CCNY: variants seen among roughly 807,000 people sequenced by gnomAD.
CCNY encodes the protein cyclin-Y.
Under a neutral mutation model 42.8 loss-of-function variants are expected in CCNY, and 19 were observed. The observed-to-expected ratio is 0.44, with a 90% CI of 0.31 to 0.65. The LOEUF is 0.65. Ranked by LOEUF, CCNY falls within the 30% of genes least tolerant of loss-of-function variation. The probability of loss-of-function intolerance (pLI) is 0.07; values close to 1 mark genes in which losing one functional copy is unlikely to be tolerated. For synonymous variants in CCNY, 165 were observed against 162.7 expected, an observed-to-expected ratio of 1.01 and a Z score of -0.11; for missense variants, 370 against 437.3, an observed-to-expected ratio of 0.85 and a Z score of 1.37.
intron 8 of CCNY, among the ~76,000 whole-genome samples, chr10:35,563,122 G>A (rs1448467889): frequency 6.6e-6 from 1 of 152,068 alleles, no homozygotes; most frequent in Admixed American, 6.6e-5. Context: ...ATAGCAAGCT[G>A]TCAGTGTCCC....
chr10:35,277,947 A>T (rs1589013400), intron 3 of CCNY, among the ~76,000 whole-genome samples: 1 of 152,252 alleles, frequency 6.6e-6, no homozygotes, highest in East Asian at 1.9e-4. Flanking sequence ...TATCCTGAGG[A>T]CAGTGGGGAG....
chr10:35,398,658 G>A (rs924794383), intron 1 of CCNY, among the ~76,000 whole-genome samples: 94 of 152,262 alleles, frequency 6.2e-4, no homozygotes, highest in African/African-American at 2.1e-3. Context: ...ACTGCTCTTG[G>A]TGGGGCTCTC....
rs2135336305 is a variant in CCNY at position 35,465,567 on chromosome 10, G to A, written c.155-17837G>A. Among the ~76,000 whole-genome samples the A allele has an allele frequency of 1.3e-5, 2 of 152,220 alleles. 1 individual carries two copies. The highest frequency in any genetic ancestry group is 1.3e-4 in the Admixed American group (2 of 15,288). On this transcript the variant is annotated intron_variant, in intron 1 of 9. Transcript: ENST00000374704. Reference sequence around the variant, plus strand: ...GTACAACTTCTTGTTCTGGCACCCAGGGCTTTCCAAGGTGGCCTGAATCCA... The same window carrying A: ...GTACAACTTCTTGTTCTGGCACCCAAGGCTTTCCAAGGTGGCCTGAATCCA...
chr10:35,405,483 G>C (rs545978820), intron 1 of CCNY, among the ~76,000 whole-genome samples: 3 of 152,072 alleles, frequency 2.0e-5, no homozygotes, highest in Non-Finnish European at 4.4e-5. Context: ...TAAAAGTCTC[G>C]ACCTAATAAG....
At chr10:35,499,038 G>A (rs1840058617) in intron 2 of CCNY, among the ~76,000 whole-genome samples, 2 of 152,106 alleles carry the variant, frequency 1.3e-5, no homozygotes, top group Admixed American at 1.3e-4. Context: ...CATGAAAATA[G>A]CCTGATTCCT....
rs1839716326 is a variant in CCNY at position 35,483,369 on chromosome 10, GTTTA to G, written c.155-32_155-29del. ...CTTGATTCCTCTTAGTTATCAGATGGTTTATTCATATAATTTATTTTCCTTTCTT... is the reference window on the plus strand; with the variant it reads ...CTTGATTCCTCTTAGTTATCAGATGGTTCATATAATTTATTTTCCTTTCTT... On this transcript the variant is annotated intron_variant, in intron 1 of 9. Transcript: ENST00000374704. The G allele has an allele frequency of 1.0e-5, 14 of 1,365,994 alleles. No individual in the cohort carries two copies. In the East Asian group the frequency reaches 3.2e-4, roughly 31 times the overall value. 84.6% of individuals were successfully genotyped at this position (1,365,994 alleles called of 1,614,324 possible).
intron 3 of CCNY, among the ~76,000 whole-genome samples, chr10:35,311,125 C>T (rs1440391919): frequency 6.6e-6 from 1 of 152,024 alleles, no homozygotes; most frequent in African/African-American, 2.4e-5. Flanking sequence ...CCAGGCTGGT[C>T]AACATAGCCA....
intron 1 of CCNY, among the ~76,000 whole-genome samples, chr10:35,448,079 T>C (rs531806202): frequency 1.3e-5 from 2 of 152,204 alleles, no homozygotes; most frequent in Non-Finnish European, 2.9e-5. Flanking sequence ...GAGACCGCCT[T>C]CACTGTGGGA....
chr10:35,334,006 A>C (rs1276276125), upstream of CCNY, among the ~76,000 whole-genome samples: 2 of 135,982 alleles, frequency 1.5e-5, no homozygotes, highest in African/African-American at 5.5e-5. Flanking sequence ...ACCTAAGGGG[A>C]ATATGGTGGA....
At chr10:35,362,963 GCTC>G (rs1650226419) in intron 1 of CCNY, among the ~76,000 whole-genome samples, 1 of 151,628 alleles carries the variant, frequency 6.6e-6, no homozygotes, top group African/African-American at 2.4e-5. Context: ...GTACAGAGGC[GCTC>G]CTCACTTCCC....
intron 3 of CCNY, among the ~76,000 whole-genome samples, chr10:35,322,355 A>C (rs79015131): frequency 1.3e-5 from 1 of 74,808 alleles, no homozygotes; most frequent in South Asian, 4.5e-4. Flanking sequence ...CTCTGTCTCA[A>C]AAAAAAAAAA....
chr10:35,559,417 A>AC (rs1203163401), intron 8 of CCNY, among the ~76,000 whole-genome samples: 1 of 152,208 alleles, frequency 6.6e-6, no homozygotes, highest in Non-Finnish European at 1.5e-5. Context: ...AGAGAGAGAA[A>AC]CAGAAGGAGG....
At chr10:35,253,830 G>A (rs1251156571) in intron 3 of CCNY, among the ~76,000 whole-genome samples, 2 of 151,124 alleles carry the variant, frequency 1.3e-5, no homozygotes, top group Non-Finnish European at 2.9e-5. Flanking sequence ...TTTTAAAATT[G>A]GCTATTGATG....
chr10:35,568,697 C>T (rs1382632025), intron 9 of CCNY, among the ~76,000 whole-genome samples: 1 of 152,208 alleles, frequency 6.6e-6, no homozygotes, highest in Non-Finnish European at 1.5e-5. Context: ...TCTTGCCCCG[C>T]TTGCAGGTGA....
chr10:35,512,834 G>A (rs940495117), intron 3 of CCNY, among the ~76,000 whole-genome samples: 3 of 152,094 alleles, frequency 2.0e-5, no homozygotes, highest in Non-Finnish European at 4.4e-5. Flanking sequence ...TGTCGCGGGT[G>A]GGAGCAGTTG....
chr10:35,275,776 A>T (rs1835232228), intron 3 of CCNY, among the ~76,000 whole-genome samples: 1 of 151,714 alleles, frequency 6.6e-6, no homozygotes, highest in Non-Finnish European at 1.5e-5. Flanking sequence ...AAAAAAAAAG[A>T]GTGTGTCCAG....
rs1281744693 is a variant in CCNY at position 35,323,413 on chromosome 10, A to C, written c.-9+72787A>C. On this transcript the variant is annotated intron_variant, in intron 3 of 11. Coordinates refer to the CCNY transcript ENST00000374706. Reference sequence around the variant, plus strand: ...CATCAACATTTGTGGTATATAAACAAATTGTGGTATATACATACACTGGAA... The same window carrying C: ...CATCAACATTTGTGGTATATAAACACATTGTGGTATATACATACACTGGAA... Among the ~76,000 whole-genome samples the C allele has an allele frequency of 2.0e-5, 3 of 152,212 alleles. No homozygotes were observed. The East Asian group carries it at 5.8e-4, about 29-fold the overall frequency.
chr10:35,430,037 C>CA (rs951123934), intron 1 of CCNY, among the ~76,000 whole-genome samples: 20 of 150,736 alleles, frequency 1.3e-4, no homozygotes, highest in African/African-American at 2.7e-4. Context: ...TTCATCATTA[C>CA]AAAAAAAAAG....
chr10:35,413,081 AGAAG>A (rs1230032011), intron 1 of CCNY, among the ~76,000 whole-genome samples: 1 of 151,932 alleles, frequency 6.6e-6, no homozygotes, highest in Non-Finnish European at 1.5e-5. Context: ...TGGAGAGATA[AGAAG>A]GAAGGAACCA....
Sources: gnomAD v4.1 joint callset for allele counts (sites outside exome capture counted in the v4.1 genomes callset) on GRCh38, gnomAD v4.1.1 for gene constraint, MANE v1.5 for transcripts, NCBI Gene and HGNC (gene_info 2026-07-23, HGNC 2026-07-21) for gene names.